Variants in IL1RL2 observed in about 807,000 individuals in gnomAD.
IL1RL2 encodes the protein interleukin 1 receptor like 2.
In IL1RL2, 68 loss-of-function variants were observed where a neutral mutation model predicts 66.8. That is an observed-to-expected ratio of 1.02 (90% CI 0.84 to 1.25). The LOEUF (loss-of-function observed/expected upper bound fraction) is 1.25. Among genes scored for constraint, IL1RL2 ranks in the 50% most tolerant of loss-of-function variants. The pLI is 0.00. For missense variants in IL1RL2, 729 were observed against 709.3 expected, an observed-to-expected ratio of 1.03 and a Z score of -0.32; for synonymous variants, 305 against 264.6, an observed-to-expected ratio of 1.15 and a Z score of -1.48.
At chr2:102,240,236 T>C (rs1013122620), downstream of IL1RL2, among the ~76,000 whole-genome samples, 15 of 152,086 alleles carry the variant, frequency 9.9e-5, no homozygotes, top group Admixed American at 3.3e-4. Flanking sequence ...TAGCTTTTTT[T>C]CCCCACACTT....
rs756476630 is a variant in IL1RL2, at chr2:102,201,565, G to T, written c.499G>T (p.Glu167Ter). Reference protein sequence around the residue: ...GPIKWYKDCNEIKGERFTVLE... With the variant: ...GPIKWYKDCN ...TTTTTATTTGTATTAGGACTGTAAC[G>T]AGATTAAAGGGGAGCGGTTCACTGT... Residue 167 changes from glutamate (E) to a stop codon, truncating the protein, a stop_gained, in exon 5 of 12, where the codon GAG becomes TAG. Coordinates refer to ENST00000264257, the MANE Select transcript of IL1RL2 (RefSeq NM_003854.4). LOFTEE classifies it high-confidence loss of function. 8 of 1,613,962 alleles carry T rather than the reference G, an allele frequency of 5.0e-6. No individual in the cohort carries two copies. Among genetic ancestry groups the T allele is most frequent in the South Asian group, 1.1e-5 (1 of 91,046 alleles).
chr2:102,204,281 AC>A (rs1688515919), intron 5 of IL1RL2, among the ~76,000 whole-genome samples: 1 of 152,050 alleles, frequency 6.6e-6, no homozygotes, highest in Non-Finnish European at 1.5e-5. Context: ...GTGTCTTAAG[AC>A]TTGTTTTGTG....
intron 11 of IL1RL2, chr2:102,235,721 G>A (rs1193431502): frequency 1.0e-6 from 1 of 985,312 alleles, no homozygotes; most frequent in African/African-American, 1.7e-5. Context: ...AAGGATAGCA[G>A]TATTTGTCCA....
intron 9 of IL1RL2, 38 bp downstream of exon 9, chr2:102,226,079 G>C (rs373206970): frequency 6.6e-7 from 1 of 1,514,476 alleles, no homozygotes; most frequent in Non-Finnish European, 8.9e-7. Flanking sequence ...CCTCAAAATT[G>C]GTATCCTCTT....
intron 11 of IL1RL2, chr2:102,235,674 C>G (rs1674813634): frequency 1.0e-6 from 1 of 985,212 alleles, no homozygotes; most frequent in African/African-American, 1.7e-5. Context: ...TGTCGGGGGA[C>G]CACAGGAGGG....
downstream of IL1RL2, among the ~76,000 whole-genome samples, chr2:102,241,846 G>T (rs373861532): frequency 6.6e-6 from 1 of 152,198 alleles, no homozygotes; most frequent in East Asian, 1.9e-4. Context: ...TAAATTGTTA[G>T]GCATGATAAT....
intron 4 of IL1RL2, among the ~76,000 whole-genome samples, chr2:102,194,703 T>C (rs1015366517): frequency 7.0e-5 from 10 of 143,582 alleles, no homozygotes; most frequent in Non-Finnish European, 1.3e-4. Flanking sequence ...TATTGGCACT[T>C]GGATGTCTGT....
intron 8 of IL1RL2, among the ~76,000 whole-genome samples, chr2:102,222,382 C>G (rs1690217573): frequency 6.6e-6 from 1 of 152,158 alleles, no homozygotes; most frequent in Non-Finnish European, 1.5e-5. Context: ...AGGCATCCCT[C>G]CAGGATATAT....
chr2:102,205,632 T>C (rs1174489902), intron 5 of IL1RL2, among the ~76,000 whole-genome samples: 2 of 152,210 alleles, frequency 1.3e-5, no homozygotes, highest in African/African-American at 2.4e-5. Context: ...ATGTTATTTG[T>C]TCCTTTTCTC....
At chr2:102,219,740 G>C (rs1327254367) in intron 7 of IL1RL2, 141 bp from the exon 8 acceptor site, 1 of 733,888 alleles carries the variant, frequency 1.4e-6, no homozygotes, top group African/African-American at 1.8e-5. Flanking sequence ...ACCTCACTGG[G>C]CCAGTCAGCA....
chr2:102,236,037 C>A, intron 11 of IL1RL2: 2 of 718,854 alleles, frequency 2.8e-6, no homozygotes, highest in Non-Finnish European at 3.4e-6. Context: ...AATTAGCACA[C>A]AGATGATAGA....
At chr2:102,187,962 C>A (rs545490508) in intron 2 of IL1RL2, 37 bp downstream of exon 2, 5 of 1,594,584 alleles carry the variant, frequency 3.1e-6, no homozygotes, top group Non-Finnish European at 4.3e-6. Context: ...AGAGGCTGCC[C>A]GAGTCCACAG....
intron 6 of IL1RL2, among the ~76,000 whole-genome samples, chr2:102,214,010 C>G (rs189685612): frequency 6.6e-6 from 1 of 152,048 alleles, no homozygotes; most frequent in Non-Finnish European, 1.5e-5. Flanking sequence ...TGCCTCTAGG[C>G]CCATATGTTT....
chr2:102,202,397 A>T (rs556968060), intron 5 of IL1RL2, among the ~76,000 whole-genome samples: 3 of 151,378 alleles, frequency 2.0e-5, no homozygotes, highest in African/African-American at 2.4e-5. Context: ...TTATATATAT[A>T]ATAATGGGTA....
intron 5 of IL1RL2, among the ~76,000 whole-genome samples, chr2:102,207,650 A>C (rs1688815319): frequency 6.6e-6 from 1 of 151,750 alleles, no homozygotes; most frequent in Non-Finnish European, 1.5e-5. Flanking sequence ...TCCTCTCCTT[A>C]AGCAGAAGGA....
In IL1RL2 at chr2:102,220,034, T is replaced by G; in HGVS notation, c.991+17T>G. On this transcript the variant is annotated intron_variant, in intron 8 of 11. Coordinates refer to ENST00000264257, the MANE Select transcript of IL1RL2 (RefSeq NM_003854.4). ...AGCTCCCAGGTAATACTCCAGTGGG[T>G]TACACACTGTTCAGAGTGTTCAAAA... 6.2e-7 allele frequency: 1 copy of G among 1,602,148 alleles called. No individual in the cohort carries two copies. Among genetic ancestry groups the G allele is most frequent in the Non-Finnish European group, 8.5e-7 (1 of 1,170,616 alleles).
At chr2:102,220,191 G>A (rs1393389107) in intron 8 of IL1RL2, among the ~76,000 whole-genome samples, 174 bp downstream of exon 8, 1 of 152,146 alleles carries the variant, frequency 6.6e-6, no homozygotes, top group Non-Finnish European at 1.5e-5. Flanking sequence ...TAATGTTGTT[G>A]GAGTGAGGCT....
intron 5 of IL1RL2, among the ~76,000 whole-genome samples, chr2:102,211,398 A>C (rs911777684): frequency 2.0e-5 from 3 of 152,122 alleles, no homozygotes; most frequent in African/African-American, 7.2e-5. Context: ...AAAGAGTTAG[A>C]ATAATAGTAG....
rs530982315 is a variant in IL1RL2, at chr2:102,200,927, G to T, written c.490-629G>T. ...ACCATAAACCTGGCCAGCTTCCTTT[G>T]ATCACTGTTCAGACCTTCAAATTGG... On this transcript the variant is annotated intron_variant, in intron 4 of 11. Transcript: ENST00000264257. Among the ~76,000 whole-genome samples the T allele has an allele frequency of 2.6e-5, 4 of 152,284 alleles. No homozygotes were observed. In the South Asian group the frequency reaches 8.3e-4, roughly 32 times the overall value.
Sources: allele counts gnomAD v4.1 joint callset (sites outside exome capture counted in the v4.1 genomes callset), GRCh38; gene constraint gnomAD v4.1.1; transcripts MANE v1.5; gene names NCBI Gene and HGNC (gene_info 2026-07-23, HGNC 2026-07-21).